Variants in WDR72 observed in about 807,000 individuals in gnomAD.
The protein encoded by WDR72 is WD repeat-containing protein 72.
A neutral mutation model predicts 124.2 loss-of-function variants in WDR72; 120 were observed. The observed-to-expected ratio is 0.97, with a 90% CI of 0.83 to 1.12. The LOEUF (loss-of-function observed/expected upper bound fraction) is 1.12, where lower values mean the gene tolerates loss of function less well. Ranked by LOEUF, WDR72 falls within the 50% of genes most tolerant of loss-of-function variation. WDR72 has a pLI of 0.00. For missense variants in WDR72, 1,387 were observed against 1,278.8 expected, an observed-to-expected ratio of 1.08 and a Z score of -1.29; for synonymous variants, 452 against 441.7, an observed-to-expected ratio of 1.02 and a Z score of -0.29.
At chr15:53,585,767 G>A (rs1342076793) in intron 18 of WDR72, among the ~76,000 whole-genome samples, 2 of 151,972 alleles carry the variant, frequency 1.3e-5, no homozygotes, top group Non-Finnish European at 2.9e-5. Context: ...CTCAGCCATC[G>A]TCCCAAGAAG....
At chr15:53,654,605 C>G (rs1459164433) in intron 14 of WDR72, among the ~76,000 whole-genome samples, 1 of 152,198 alleles carries the variant, frequency 6.6e-6, no homozygotes, top group East Asian at 1.9e-4. Context: ...AGCAAACCAT[C>G]ATCTGAGGTA....
At chr15:53,628,405 T>TA (rs561505512) in intron 14 of WDR72, among the ~76,000 whole-genome samples, 1 of 151,838 alleles carries the variant, frequency 6.6e-6, no homozygotes, top group Non-Finnish European at 1.5e-5. Flanking sequence ...CAGATGATAT[T>TA]AAAAAAAAGT....
At chr15:53,640,501 T>C (rs1012004924) in intron 14 of WDR72, among the ~76,000 whole-genome samples, 5 of 152,190 alleles carry the variant, frequency 3.3e-5, no homozygotes, top group African/African-American at 1.2e-4. Flanking sequence ...AAATGAAAAG[T>C]AGCATTTTTC....
intron 16 of WDR72, 86 bp downstream of exon 16, chr15:53,613,580 C>T: frequency 1.2e-6 from 1 of 858,448 alleles, no homozygotes; most frequent in South Asian, 1.4e-5. Flanking sequence ...TTTATTTTGA[C>T]ACTGCTAACC....
intron 14 of WDR72, among the ~76,000 whole-genome samples, chr15:53,644,471 T>A (rs1032729454): frequency 6.6e-6 from 1 of 152,186 alleles, no homozygotes; most frequent in African/African-American, 2.4e-5. Flanking sequence ...GCTGTGCTCA[T>A]ACTGCACCAA....
chr15:53,741,649 G>T (rs541945191), intron 1 of WDR72, among the ~76,000 whole-genome samples: 3 of 152,060 alleles, frequency 2.0e-5, no homozygotes, highest in African/African-American at 7.2e-5. Context: ...ACTCCCATAG[G>T]ATTTAGAGCA....
chr15:53,747,708 C>A (rs564636768), intron 1 of WDR72, among the ~76,000 whole-genome samples: 1 of 152,294 alleles, frequency 6.6e-6, no homozygotes, highest in African/African-American at 2.4e-5. Flanking sequence ...GCTCAATAAG[C>A]TGTAGTGCAA....
At chr15:53,619,793 T>G (rs2013916323) in intron 14 of WDR72, among the ~76,000 whole-genome samples, 1 of 152,102 alleles carries the variant, frequency 6.6e-6, no homozygotes, top group Admixed American at 6.6e-5. Context: ...CGTTTTGCTT[T>G]TTACCTCTAA....
intron 18 of WDR72, among the ~76,000 whole-genome samples, chr15:53,555,486 C>A (rs1893895834): frequency 6.6e-6 from 1 of 152,044 alleles, no homozygotes; most frequent in Non-Finnish European, 1.5e-5. Context: ...GAATACTCAA[C>A]TTTTATATCA....
chr15:53,609,269 G>T (rs951431054), intron 17 of WDR72, among the ~76,000 whole-genome samples: 9 of 152,168 alleles, frequency 5.9e-5, no homozygotes, highest in African/African-American at 1.9e-4. Flanking sequence ...GCTTCAACAA[G>T]CAAGAAATTA....
chr15:53,698,284 T>C (rs189978034), intron 13 of WDR72, among the ~76,000 whole-genome samples: 1 of 152,340 alleles, frequency 6.6e-6, no homozygotes, highest in East Asian at 1.9e-4. Flanking sequence ...TATTTATTTA[T>C]TCTTGCTGGA....
At chr15:53,550,333 A>C (rs1453407271) in intron 18 of WDR72, among the ~76,000 whole-genome samples, 1 of 152,172 alleles carries the variant, frequency 6.6e-6, no homozygotes, top group Non-Finnish European at 1.5e-5. Context: ...TGTTCCAATA[A>C]AACTTTTTTT....
chr15:53,676,551 C>T (rs2016179017), intron 13 of WDR72, among the ~76,000 whole-genome samples: 1 of 152,186 alleles, frequency 6.6e-6, no homozygotes, highest in Admixed American at 6.5e-5. Flanking sequence ...GAGCTGAAAG[C>T]AACACCTGGC....
chr15:53,711,136 A>G (rs1005089133), intron 8 of WDR72, among the ~76,000 whole-genome samples, 183 bp from the exon 9 acceptor site: 14 of 152,204 alleles, frequency 9.2e-5, no homozygotes, highest in Non-Finnish European at 1.6e-4. Context: ...CAAGTTATAC[A>G]TGGTTAATCT....
intron 18 of WDR72, among the ~76,000 whole-genome samples, chr15:53,534,025 G>A (rs889810990): frequency 6.6e-6 from 1 of 152,118 alleles, no homozygotes; most frequent in Admixed American, 6.5e-5. Context: ...GAGACTTTGA[G>A]GCTGATGTTA....
At chr15:53,553,324 TCA>T (rs1403163996) in intron 18 of WDR72, among the ~76,000 whole-genome samples, 1 of 152,148 alleles carries the variant, frequency 6.6e-6, no homozygotes, top group Non-Finnish European at 1.5e-5. Context: ...GTTTCCTCTT[TCA>T]CAGATGCAGA....
At chr15:53,658,306 G>T (rs575983482) in intron 14 of WDR72, among the ~76,000 whole-genome samples, 2 of 151,912 alleles carry the variant, frequency 1.3e-5, no homozygotes, top group Admixed American at 6.6e-5. Context: ...ATAACAGCTC[G>T]CAATGGTAGA....
chr15:53,702,344 A>G lies in WDR72; in HGVS notation c.1359T>C (p.Pro453=). ...EGGSLVKDSP[P]HKVLKGHHQS... ...GGTGGTGGCCTTTAAGAACTTTATG[A>G]GGGGGAGAATCTGAAAAACAATGAA... Residue 453 remains proline, a synonymous_variant, in exon 12 of 20, where the codon CCT becomes CCC. Coordinates refer to ENST00000360509, the MANE Select transcript of WDR72 (RefSeq NM_182758.4). 6.2e-7 allele frequency: 1 copy of G among 1,612,688 alleles called. No homozygotes were observed. The highest frequency in any genetic ancestry group is 8.5e-7 in the Non-Finnish European group (1 of 1,178,742).
Position 53,550,558 on chromosome 15 carries a change from A to G in WDR72, c.3149-27236T>C, listed in dbSNP as rs528877345. Among the ~76,000 whole-genome samples, 89 of 152,276 alleles carry G rather than the reference A, an allele frequency of 5.8e-4. 1 individual carries two copies. The highest frequency in any genetic ancestry group is 1.1e-3 in the Non-Finnish European group (76 of 68,016). The stretch of plus-strand genomic sequence containing the variant: ...TTATTTATTATGCATTAAACAAAAA[A>G]CTTTCTCTGCCTACCCCTTTAAAGA... On this transcript the variant is annotated intron_variant, in intron 18 of 19. Transcript: ENST00000360509.
Sources: gnomAD v4.1 joint callset for allele counts (sites outside exome capture counted in the v4.1 genomes callset) on GRCh38, gnomAD v4.1.1 for gene constraint, MANE v1.5 for transcripts, NCBI Gene and HGNC (gene_info 2026-07-23, HGNC 2026-07-21) for gene names.